THSD7B: variants seen among roughly 807,000 people sequenced by gnomAD.
THSD7B encodes thrombospondin type-1 domain-containing protein 7B.
In THSD7B, 138 loss-of-function variants were observed where a neutral mutation model predicts 213.6. The observed-to-expected ratio is 0.65, with a 90% CI of 0.56 to 0.74. The LOEUF (loss-of-function observed/expected upper bound fraction) is 0.74, where lower values mean the gene tolerates loss of function less well. THSD7B is among the 30% of genes least tolerant of loss of function. THSD7B has a pLI of 0.00. For synonymous variants in THSD7B, 742 were observed against 687.0 expected, an observed-to-expected ratio of 1.08 and a Z score of -1.25; for missense variants, 1,931 against 1,991.5, an observed-to-expected ratio of 0.97 and a Z score of 0.58.
chr2:137,582,910 A>C (rs551902660), intron 17 of THSD7B, among the ~76,000 whole-genome samples: 1 of 152,280 alleles, frequency 6.6e-6, no homozygotes, highest in East Asian at 1.9e-4. Flanking sequence ...CTGAGGAATC[A>C]CCACACTCTC....
chr2:137,320,921 G>C (rs887270398), intron 12 of THSD7B, among the ~76,000 whole-genome samples: 14 of 152,312 alleles, frequency 9.2e-5, no homozygotes, highest in African/African-American at 3.4e-4. Context: ...GCTTCCCAGA[G>C]CAATGCAGCA....
chr2:136,991,996 T>G (rs1441072621), intron 2 of THSD7B, among the ~76,000 whole-genome samples: 1 of 152,112 alleles, frequency 6.6e-6, no homozygotes, highest in Non-Finnish European at 1.5e-5. Flanking sequence ...AATTACAGAG[T>G]CCCCTTCAGC....
At position 136,805,985 on chromosome 2, in the gene THSD7B, A is replaced by G. The variant is rs531436507; in HGVS notation, c.-36+40298A>G. 3.9e-5 allele frequency among the ~76,000 whole-genome samples: 6 copies of G among 152,240 alleles called. No individual in the cohort carries two copies. In the South Asian group the frequency reaches 6.2e-4, roughly 16 times the overall value. ...TCATATTACCTATTTAGAATATGCC[A>G]TGTGTTTCTGCAGGGACCTTACACT... On this transcript the variant is annotated intron_variant, in intron 1 of 27. Transcript: ENST00000409968.
At position 136,935,743 on chromosome 2, in the gene THSD7B, G is replaced by T. The variant is rs142714989; in HGVS notation, c.139+53426G>T. ...CTGACGAAGTCTGTCATACTCTGGG[G>T]ATTGGTAAGAACCTGGAGAAAGAGA... On this transcript the variant is annotated intron_variant, in intron 2 of 27. Transcript: ENST00000409968. Among the ~76,000 whole-genome samples, 1,278 of 152,110 alleles carry T rather than the reference G, an allele frequency of 8.4e-3. 20 individuals are homozygous for T. The highest frequency in any genetic ancestry group is 0.029 in the African/African-American group (1,223 of 41,530).
chr2:137,127,801 C>G (rs1421349526), intron 5 of THSD7B, among the ~76,000 whole-genome samples: 1 of 152,010 alleles, frequency 6.6e-6, no homozygotes, highest in African/African-American at 2.4e-5. Flanking sequence ...ACCTGTAATC[C>G]TAGCTATTCA....
At chr2:136,968,515 G>C (rs1004306588) in intron 2 of THSD7B, among the ~76,000 whole-genome samples, 1 of 152,000 alleles carries the variant, frequency 6.6e-6, no homozygotes, top group Non-Finnish European at 1.5e-5. Flanking sequence ...TGGGATGACT[G>C]CTGCACTGGT....
chr2:137,215,017 C>T (rs1198867895), intron 7 of THSD7B, among the ~76,000 whole-genome samples: 1 of 152,138 alleles, frequency 6.6e-6, no homozygotes, highest in East Asian at 1.9e-4. Flanking sequence ...CACTGTCTTC[C>T]ACAATGGTTG....
chr2:137,257,418 C>T (rs1682336408), intron 10 of THSD7B, among the ~76,000 whole-genome samples: 1 of 152,146 alleles, frequency 6.6e-6, no homozygotes, highest in African/African-American at 2.4e-5. Context: ...CCTTTTTAGC[C>T]ACCTCTTCTG....
intron 2 of THSD7B, among the ~76,000 whole-genome samples, chr2:136,957,003 T>A (rs1685138143): frequency 6.6e-6 from 1 of 152,114 alleles, no homozygotes; most frequent in African/African-American, 2.4e-5. Flanking sequence ...TTAGGCTTCT[T>A]TAGTGGCCGT....
intron 12 of THSD7B, among the ~76,000 whole-genome samples, chr2:137,336,902 G>A (rs181172829): frequency 2.6e-5 from 4 of 151,840 alleles, no homozygotes; most frequent in Admixed American, 6.6e-5. Context: ...TTCCTCCTTC[G>A]TATCAATTTT....
intron 4 of THSD7B, among the ~76,000 whole-genome samples, chr2:137,101,938 G>T (rs1295400604): frequency 2.6e-5 from 4 of 152,230 alleles, no homozygotes; most frequent in African/African-American, 9.6e-5. Context: ...AGAGCACCTG[G>T]GGGAAGGCGC....
intron 2 of THSD7B, among the ~76,000 whole-genome samples, chr2:137,051,803 A>G (rs1687076294): frequency 1.3e-5 from 2 of 152,146 alleles, no homozygotes; most frequent in Admixed American, 6.6e-5. Context: ...TGCAAGAGCT[A>G]TGGAGAGTGT....
intron 14 of THSD7B, among the ~76,000 whole-genome samples, chr2:137,430,345 A>G (rs1386464572): frequency 6.6e-6 from 1 of 152,248 alleles, no homozygotes; most frequent in Non-Finnish European, 1.5e-5. Context: ...ATGAACTGAA[A>G]GAGACACAAC....
intron 15 of THSD7B, among the ~76,000 whole-genome samples, chr2:137,535,315 G>T (rs532504331): frequency 6.6e-6 from 1 of 151,518 alleles, no homozygotes; most frequent in Non-Finnish European, 1.5e-5. Context: ...AAAAGCAAAG[G>T]TATTCATACC....
intron 10 of THSD7B, among the ~76,000 whole-genome samples, chr2:137,267,520 G>A (rs542925487): frequency 5.8e-4 from 37 of 63,846 alleles, no homozygotes; most frequent in African/African-American, 1.9e-3. Flanking sequence ...CCCCACCCCC[G>A]AGTGCTCCCC....
chr2:136,848,951 G>C (rs966842626), intron 1 of THSD7B, among the ~76,000 whole-genome samples: 40 of 152,142 alleles, frequency 2.6e-4, no homozygotes, highest in African/African-American at 8.9e-4. Flanking sequence ...GTCTTTTTGA[G>C]CCTAGCACTT....
intron 2 of THSD7B, among the ~76,000 whole-genome samples, chr2:137,027,875 C>G (rs964047411): frequency 6.6e-6 from 1 of 152,270 alleles, no homozygotes; most frequent in Non-Finnish European, 1.5e-5. Context: ...ACTCAAGATA[C>G]TTGCTTCAAT....
chr2:136,956,655 C>A (rs1335776689), intron 2 of THSD7B, among the ~76,000 whole-genome samples: 1 of 149,536 alleles, frequency 6.7e-6, no homozygotes, highest in Non-Finnish European at 1.5e-5. Context: ...AGTTAGATTT[C>A]ATAAATATTA....
chr2:136,911,560 C>T (rs1022256920), intron 2 of THSD7B, among the ~76,000 whole-genome samples: 2 of 152,170 alleles, frequency 1.3e-5, no homozygotes, highest in Non-Finnish European at 2.9e-5. Context: ...ATACTCCTAC[C>T]TAGCTTTCTT....
Sources: allele counts gnomAD v4.1 joint callset (sites outside exome capture counted in the v4.1 genomes callset), GRCh38; gene constraint gnomAD v4.1.1; transcripts MANE v1.5; gene names NCBI Gene and HGNC (gene_info 2026-07-23, HGNC 2026-07-21).